ANKRD30B: variants seen among roughly 807,000 people sequenced by gnomAD.
The protein encoded by ANKRD30B is ankyrin repeat domain 30B, also known as ankyrin repeat domain-containing protein 30B.
In ANKRD30B, 144 loss-of-function variants were observed where a neutral mutation model predicts 202.2. The ratio of observed to expected loss-of-function variants is 0.71; its 90% CI spans 0.62 to 0.82. The LOEUF is 0.82. ANKRD30B is among the 40% of genes least tolerant of loss of function. The pLI, the probability that ANKRD30B is intolerant of heterozygous loss-of-function variation, is 0.00. For synonymous variants in ANKRD30B, 508 were observed against 561.3 expected (o/e 0.91, Z 1.34); for missense variants, 1,487 against 1,669.1 (o/e 0.89, Z 1.90).
At chr18:14,763,163 A>T (rs1218000822) in intron 6 of ANKRD30B, among the ~76,000 whole-genome samples, 1 of 151,610 alleles carries the variant, frequency 6.6e-6, no homozygotes, top group African/African-American at 2.4e-5. Flanking sequence ...CCCCTTTTGG[A>T]GCTTATAATT....
In ANKRD30B at chr18:14,763,811, A is replaced by G. The variant is rs1598580470; in HGVS notation, c.946A>G (p.Lys316Glu). The stretch of plus-strand genomic sequence containing the variant: ...ACGCTTGGTGGAGGGAACGTCTGCC[A>G]AAATTCAATGTCTGGGGAAAGCAAC... ...AARLVEGTSA[K>E]IQCLGKATSG... The change falls in exon 7 of 44, where the codon AAA becomes GAA. Residue 316 changes from lysine (K) to glutamate (E), a missense_variant. Transcript: ENST00000690538. 6.2e-7 allele frequency: 1 copy of G among 1,613,820 alleles called. No homozygotes were observed. Among genetic ancestry groups the G allele is most frequent in the Non-Finnish European group, 8.5e-7 (1 of 1,179,898 alleles).
At chr18:14,832,328 G>T (rs1207708741) in intron 34 of ANKRD30B, among the ~76,000 whole-genome samples, 10 of 152,164 alleles carry the variant, frequency 6.6e-5, no homozygotes, top group African/African-American at 2.4e-4. Flanking sequence ...ACTAAATGAA[G>T]AATGCAGGTT....
intron 7 of ANKRD30B, among the ~76,000 whole-genome samples, chr18:14,768,492 G>A (rs1234738955): frequency 2.6e-5 from 4 of 152,174 alleles, no homozygotes; most frequent in Admixed American, 6.5e-5. Flanking sequence ...TGATGTGGGA[G>A]GGCAGTCTTG....
chr18:14,913,473 A>T, the ANKRD30B span, among the ~76,000 whole-genome samples: 2 of 152,196 alleles, frequency 1.3e-5, no homozygotes, highest in Non-Finnish European at 2.9e-5. Context: ...CAAATATATT[A>T]AGATAATTTA....
At chr18:14,875,184 A>G in the ANKRD30B span, among the ~76,000 whole-genome samples, 1 of 152,190 alleles carries the variant, frequency 6.6e-6, no homozygotes, top group Non-Finnish European at 1.5e-5. Flanking sequence ...GGTCTCCACT[A>G]GCCAAGAGCA....
chr18:14,892,154 C>T, the ANKRD30B span, among the ~76,000 whole-genome samples: 2,535 of 152,248 alleles, frequency 0.017, 49 homozygotes, highest in African/African-American at 0.058. Flanking sequence ...GCCATTCCTC[C>T]CTTTATTTAA....
intron 30 of ANKRD30B, among the ~76,000 whole-genome samples, chr18:14,818,607 C>T (rs986852934): frequency 2.7e-5 from 4 of 147,184 alleles, no homozygotes; most frequent in Non-Finnish European, 4.5e-5. Flanking sequence ...TGAGAATATG[C>T]GGTGTTTGGT....
rs767668898 is a variant in ANKRD30B, at chr18:14,810,186, C to T, written c.2488+6C>T. ...CAGAGAAACATTAAAAGCAGGTAAA[C>T]TTTGTAATTTAAATTTTACTCTGGA... On this transcript the variant is annotated splice_donor_region_variant and intron_variant, in intron 28 of 43. Coordinates refer to ENST00000690538, the MANE Select transcript of ANKRD30B (RefSeq NM_001367607.2). The T allele has an allele frequency of 1.9e-4, 253 of 1,354,294 alleles. 5 individuals carry two copies. Among genetic ancestry groups the T allele is most frequent in the Admixed American group, 1.8e-3 (81 of 44,174 alleles). 83.9% of individuals were successfully genotyped at this position (1,354,294 alleles called of 1,614,324 possible).
intron 34 of ANKRD30B, among the ~76,000 whole-genome samples, chr18:14,836,441 A>C (rs1971175558): frequency 6.6e-6 from 1 of 151,762 alleles, no homozygotes; most frequent in Non-Finnish European, 1.5e-5. Context: ...CCAGTCACAC[A>C]CCTAATTTTG....
chr18:14,917,020 G>T, the ANKRD30B span, among the ~76,000 whole-genome samples: 1 of 152,082 alleles, frequency 6.6e-6, no homozygotes, highest in Non-Finnish European at 1.5e-5. Context: ...CTCAGCCGGG[G>T]GCTGCTCTGA....
At chr18:14,897,783 G>A in the ANKRD30B span, among the ~76,000 whole-genome samples, 3 of 152,050 alleles carry the variant, frequency 2.0e-5, 1 homozygote, top group Non-Finnish European at 4.4e-5. Flanking sequence ...CTTTTCAAAG[G>A]ACTACCCTAG....
chr18:14,778,970 C>T (rs568126094), intron 10 of ANKRD30B, among the ~76,000 whole-genome samples: 2 of 152,100 alleles, frequency 1.3e-5, no homozygotes, highest in East Asian at 3.9e-4. Context: ...TCAGATACTA[C>T]CCCTAAACAA....
chr18:14,907,871 C>T, the ANKRD30B span, among the ~76,000 whole-genome samples: 9 of 152,140 alleles, frequency 5.9e-5, no homozygotes, highest in Non-Finnish European at 1.2e-4. Context: ...TTTCATCTCT[C>T]TACACTCTGC....
chr18:14,797,634 C>G (rs1433323321), intron 18 of ANKRD30B, 27 bp from the exon 19 acceptor site: 1 of 1,596,808 alleles, frequency 6.3e-7, no homozygotes, highest in Non-Finnish European at 8.6e-7. Flanking sequence ...TGCATATAAT[C>G]AATTATAAAT....
intron 16 of ANKRD30B, among the ~76,000 whole-genome samples, chr18:14,792,924 C>T (rs148646845): frequency 0.013 from 1,994 of 152,088 alleles, 48 homozygotes; most frequent in African/African-American, 0.046. Context: ...ATTCTGAATT[C>T]ATGACTTGAA....
chr18:14,922,611 C>T, the ANKRD30B span, among the ~76,000 whole-genome samples: 457 of 148,640 alleles, frequency 3.1e-3, 10 homozygotes, highest in Admixed American at 0.027. Flanking sequence ...GCCAAGATCG[C>T]GCCACCGCAC....
At chr18:14,846,600 T>C (rs1302521119) in intron 39 of ANKRD30B, among the ~76,000 whole-genome samples, 2 of 152,074 alleles carry the variant, frequency 1.3e-5, no homozygotes, top group Non-Finnish European at 2.9e-5. Flanking sequence ...TTTTGAAGCA[T>C]TTATGTTATT....
chr18:14,837,748 T>A, intron 36 of ANKRD30B, 72 bp downstream of exon 36: 1 of 1,245,210 alleles, frequency 8.0e-7, no homozygotes, highest in South Asian at 1.5e-5. Flanking sequence ...AAAAGATGAT[T>A]TGACTTTATT....
the ANKRD30B span, among the ~76,000 whole-genome samples, chr18:14,914,112 A>C: frequency 6.6e-6 from 1 of 152,344 alleles, no homozygotes; most frequent in Non-Finnish European, 1.5e-5. Flanking sequence ...AAGGATGTTA[A>C]GAATGTCCAT....
Sources: allele counts gnomAD v4.1 joint callset (sites outside exome capture counted in the v4.1 genomes callset), GRCh38; gene constraint gnomAD v4.1.1; transcripts MANE v1.5; gene names NCBI Gene and HGNC (gene_info 2026-07-23, HGNC 2026-07-21).